XKR4: variants seen among roughly 807,000 people sequenced by gnomAD.
XKR4 encodes XK related 4.
XKR4 carries 12 observed loss-of-function variants against 53.9 expected under a neutral mutation model. The ratio of observed to expected loss-of-function variants is 0.22; its 90% CI spans 0.14 to 0.36. The LOEUF (loss-of-function observed/expected upper bound fraction) is 0.36, where lower values mean the gene tolerates loss of function less well. Among genes scored for constraint, XKR4 ranks in the 10% least tolerant of loss-of-function variants. The pLI is 1.00. For synonymous variants in XKR4, 354 were observed against 362.4 expected, an observed-to-expected ratio of 0.98 and a Z score of 0.26; for missense variants, 799 against 859.5, an observed-to-expected ratio of 0.93 and a Z score of 0.88.
chr8:55,286,004 A>G (rs1563315426), intron 1 of XKR4, among the ~76,000 whole-genome samples: 1 of 152,234 alleles, frequency 6.6e-6, no homozygotes. Flanking sequence ...ACAGACATCA[A>G]TTTCTCACCT....
At chr8:55,129,869 C>T (rs966455355) in intron 1 of XKR4, among the ~76,000 whole-genome samples, 8 of 152,020 alleles carry the variant, frequency 5.3e-5, no homozygotes, top group African/African-American at 1.2e-4. Flanking sequence ...CAGAGAGGAG[C>T]GGTGTTAAGA....
intron 2 of XKR4, among the ~76,000 whole-genome samples, chr8:55,410,852 C>A (rs1804766404): frequency 6.6e-6 from 1 of 152,178 alleles, no homozygotes; most frequent in Admixed American, 6.5e-5. Context: ...TTGCTACAAA[C>A]TGTGTTCTAG....
intron 2 of XKR4, among the ~76,000 whole-genome samples, chr8:55,467,077 A>G (rs1220434707): frequency 6.6e-6 from 1 of 152,058 alleles, no homozygotes; most frequent in Non-Finnish European, 1.5e-5. Context: ...CAGGGCTGCA[A>G]TCTCATCTGG....
intron 1 of XKR4, among the ~76,000 whole-genome samples, chr8:55,142,627 G>A (rs1317199890): frequency 6.6e-6 from 1 of 152,134 alleles, no homozygotes; most frequent in Non-Finnish European, 1.5e-5. Flanking sequence ...AACAAAGTGG[G>A]ACCAAAAGTG....
At chr8:55,159,303 T>C (rs1422637888) in intron 1 of XKR4, among the ~76,000 whole-genome samples, 1 of 151,692 alleles carries the variant, frequency 6.6e-6, no homozygotes, top group Non-Finnish European at 1.5e-5. Flanking sequence ...GCCATACATT[T>C]CAAAGCACTT....
At chr8:55,308,810 C>T (rs941731948) in intron 1 of XKR4, among the ~76,000 whole-genome samples, 1 of 152,128 alleles carries the variant, frequency 6.6e-6, no homozygotes, top group African/African-American at 2.4e-5. Context: ...CATCATGATC[C>T]CTGGAACGTG....
At chr8:55,432,871 C>T (rs1805121951) in intron 2 of XKR4, among the ~76,000 whole-genome samples, 1 of 151,664 alleles carries the variant, frequency 6.6e-6, no homozygotes, top group Admixed American at 6.6e-5. Context: ...TCATGGAATG[C>T]ATGTTTCAAT....
At chr8:55,308,564 T>G (rs10958456) in intron 1 of XKR4, among the ~76,000 whole-genome samples, 96,619 of 151,308 alleles carry the variant, frequency 0.64, 32,738 homozygotes, top group African/African-American at 0.88. Context: ...GACACGTGGA[T>G]ATTATGGGGA....
rs955283593 is a variant in XKR4, at chr8:55,450,978, C to A, written c.1007-72303C>A. On this transcript the variant is annotated intron_variant, in intron 2 of 2. Coordinates refer to ENST00000327381, the MANE Select transcript of XKR4 (RefSeq NM_052898.2). ...GACTAGGCTGGGCTCAGCAGTAGGG[C>A]AGCCCAGGACACATGCCTTCAGCAG... 8 of 523,216 alleles carry A rather than the reference C, an allele frequency of 1.5e-5. No individual in the cohort carries two copies. In the Admixed American group the frequency reaches 2.1e-4, roughly 14 times the overall value. 32.4% of individuals were successfully genotyped at this position (523,216 alleles called of 1,614,324 possible).
intron 1 of XKR4, among the ~76,000 whole-genome samples, chr8:55,179,676 A>T (rs1160349169): frequency 6.6e-6 from 1 of 152,124 alleles, no homozygotes; most frequent in Non-Finnish European, 1.5e-5. Flanking sequence ...AAATTGTCTA[A>T]GTCGATTTTT....
intron 2 of XKR4, among the ~76,000 whole-genome samples, chr8:55,480,330 C>G (rs529654061): frequency 5.9e-5 from 9 of 152,218 alleles, no homozygotes; most frequent in Admixed American, 3.3e-4. Context: ...ATGCAGAAAA[C>G]GCCTTTGACA....
intron 2 of XKR4, among the ~76,000 whole-genome samples, chr8:55,417,157 G>C (rs1273123333): frequency 6.6e-6 from 1 of 152,162 alleles, no homozygotes; most frequent in East Asian, 1.9e-4. Flanking sequence ...AGAGGCTTAA[G>C]TGAAGAAGCC....
chr8:55,376,160 T>C (rs1163042478), intron 2 of XKR4, among the ~76,000 whole-genome samples: 1 of 152,224 alleles, frequency 6.6e-6, no homozygotes, highest in Non-Finnish European at 1.5e-5. Flanking sequence ...TCCATGTCTT[T>C]GCTATTGTGA....
chr8:55,308,886 T>A (rs1043392032), intron 1 of XKR4, among the ~76,000 whole-genome samples: 1 of 152,224 alleles, frequency 6.6e-6, no homozygotes, highest in Admixed American at 6.5e-5. Context: ...GCTTATCAGC[T>A]GTCCTGGAAA....
intron 1 of XKR4, among the ~76,000 whole-genome samples, chr8:55,305,256 G>T (rs1355118063): frequency 6.6e-6 from 1 of 152,146 alleles, no homozygotes; most frequent in African/African-American, 2.4e-5. Context: ...ATATTGGGCA[G>T]GTCCAATACC....
chr8:55,420,039 T>TTGA (rs1460773229), intron 2 of XKR4, among the ~76,000 whole-genome samples: 3 of 152,350 alleles, frequency 2.0e-5, no homozygotes, highest in South Asian at 4.1e-4. Context: ...AGCCTTGGTA[T>TTGA]ATTCAGTCAA....
At chr8:55,121,267 C>G (rs960951135) in intron 1 of XKR4, among the ~76,000 whole-genome samples, 2 of 152,108 alleles carry the variant, frequency 1.3e-5, no homozygotes, top group Non-Finnish European at 2.9e-5. Flanking sequence ...GGGAAGAGTG[C>G]ATTTAGTTTT....
intron 1 of XKR4, among the ~76,000 whole-genome samples, chr8:55,224,555 T>C (rs1585950194): frequency 6.6e-6 from 1 of 152,182 alleles, no homozygotes; most frequent in Non-Finnish European, 1.5e-5. Flanking sequence ...CCTTTAAAAA[T>C]AGAACTTCCA....
chr8:55,455,996 C>T (rs962860370), intron 2 of XKR4, among the ~76,000 whole-genome samples: 3 of 152,164 alleles, frequency 2.0e-5, no homozygotes, highest in African/African-American at 7.2e-5. Context: ...ACAACAACAT[C>T]CTCAGAAAAA....
Sources: allele counts gnomAD v4.1 joint callset (sites outside exome capture counted in the v4.1 genomes callset), GRCh38; gene constraint gnomAD v4.1.1; transcripts MANE v1.5; gene names NCBI Gene and HGNC (gene_info 2026-07-23, HGNC 2026-07-21).